Variants in MYO10 observed in about 807,000 individuals in gnomAD.
MYO10 encodes the protein unconventional myosin-X.
A neutral mutation model predicts 257.3 loss-of-function variants in MYO10; 133 were observed. The observed-to-expected ratio is 0.52, with a 90% CI of 0.45 to 0.60. MYO10 has a LOEUF of 0.60. Among genes scored for constraint, MYO10 ranks in the 20% least tolerant of loss-of-function variants. The pLI, the probability that MYO10 is intolerant of heterozygous loss-of-function variation, is 0.00. For synonymous variants in MYO10, 1,104 were observed against 1,028.6 expected (o/e 1.07, Z -1.40); for missense variants, 2,399 against 2,635.7 (o/e 0.91, Z 1.97).
intron 21 of MYO10, among the ~76,000 whole-genome samples, chr5:16,709,065 GT>G (rs1200307300): frequency 1.3e-5 from 2 of 152,192 alleles, no homozygotes; most frequent in Admixed American, 6.5e-5. Context: ...GCTCTACTGG[GT>G]GATCGTAGAG....
intron 1 of MYO10, 33 bp downstream of exon 1, chr5:16,935,755 C>A: frequency 6.2e-7 from 1 of 1,613,340 alleles, no homozygotes; most frequent in Non-Finnish European, 8.5e-7. Context: ...TCCCTGGGCT[C>A]CGGAGGCCAG....
At chr5:16,711,328 C>T in intron 19 of MYO10, 83 bp from the exon 20 acceptor site, 2 of 1,408,574 alleles carry the variant, frequency 1.4e-6, no homozygotes, top group Non-Finnish European at 9.8e-7. Flanking sequence ...CCACCTCCAT[C>T]ATTGGTTTAC....
chr5:16,667,635 GC>G (rs1736235943), intron 40 of MYO10, among the ~76,000 whole-genome samples: 1 of 151,882 alleles, frequency 6.6e-6, no homozygotes, highest in Non-Finnish European at 1.5e-5. Context: ...AACCTACAAT[GC>G]CACATCCTCC....
rs1403920045 is a variant in MYO10 at position 16,671,522 on chromosome 5, A to C, written c.5330T>G (p.Val1777Gly). 6.2e-7 allele frequency: 1 copy of C among 1,613,910 alleles called. No homozygotes were observed. Among genetic ancestry groups the C allele is most frequent in the Admixed American group, 1.7e-5 (1 of 60,018 alleles). Residue 1777 changes from valine to glycine, a missense_variant, in exon 38 of 41, where the codon GTT (valine) becomes GGT (glycine). This residue lies in a region of MYO10 where 1,820 missense variants were observed against 1,939.4 expected (regional missense o/e 0.94). Coordinates refer to ENST00000513610, the MANE Select transcript of MYO10 (RefSeq NM_012334.3). ...GTAGAATTTCCATGGCAGGTCCCCAACCTCGGATGTGGCAGCCAGCCTACA... is the reference window on the plus strand; with the variant it reads ...GTAGAATTTCCATGGCAGGTCCCCACCCTCGGATGTGGCAGCCAGCCTACA... ...KFEKLAATSE[V>G]GDLPWKFYFK...
chr5:16,820,558 A>G (rs1742768536), intron 2 of MYO10, among the ~76,000 whole-genome samples: 1 of 152,140 alleles, frequency 6.6e-6, no homozygotes, highest in Non-Finnish European at 1.5e-5. Flanking sequence ...TCTTCTAAGC[A>G]AGAAGACAGG....
At chr5:16,919,093 A>G (rs2126798958) in intron 1 of MYO10, among the ~76,000 whole-genome samples, 1 of 152,178 alleles carries the variant, frequency 6.6e-6, no homozygotes, top group South Asian at 2.1e-4. Flanking sequence ...GCCTACCAGA[A>G]CGGCCAGGAG....
At position 16,925,363 on chromosome 5, in the gene MYO10, T is replaced by C. The variant is rs1404814172; in HGVS notation, c.21+10425A>G. On this transcript the variant is annotated intron_variant, in intron 1 of 40. Transcript: ENST00000513610. ...AAGGAAAAGATTCACATAGACCTAA[T>C]CCCCAAACATTTCACATAGACCATT... Among the ~76,000 whole-genome samples the C allele has an allele frequency of 3.3e-5, 5 of 152,294 alleles. No individual in the cohort carries two copies. In the East Asian group the frequency reaches 9.6e-4, roughly 29 times the overall value.
At chr5:16,782,682 C>T (rs1741457969) in intron 5 of MYO10, among the ~76,000 whole-genome samples, 1 of 152,176 alleles carries the variant, frequency 6.6e-6, no homozygotes, top group South Asian at 2.1e-4. Flanking sequence ...CTGGACAAAT[C>T]TCTAAATAAT....
intron 30 of MYO10, among the ~76,000 whole-genome samples, chr5:16,682,734 C>A (rs1737063285): frequency 6.6e-6 from 1 of 151,954 alleles, no homozygotes; most frequent in Non-Finnish European, 1.5e-5. Context: ...AAAAGAGTAA[C>A]TGGACTGCAG....
intron 3 of MYO10, among the ~76,000 whole-genome samples, chr5:16,801,266 GGT>G (rs908976469): frequency 6.6e-6 from 1 of 152,098 alleles, no homozygotes; most frequent in African/African-American, 2.4e-5. Flanking sequence ...GCCGTGCAGT[GGT>G]GCAATCTCAG....
intron 19 of MYO10, among the ~76,000 whole-genome samples, chr5:16,716,794 C>T (rs1738894488): frequency 6.6e-6 from 1 of 151,920 alleles, no homozygotes; most frequent in African/African-American, 2.4e-5. Context: ...GATAACGAGA[C>T]TGGAAATTAG....
chr5:16,883,187 T>A (rs963917916), intron 1 of MYO10, among the ~76,000 whole-genome samples: 1 of 152,098 alleles, frequency 6.6e-6, no homozygotes, highest in Admixed American at 6.5e-5. Context: ...AGTGCTGGGA[T>A]TACAGGTGTG....
chr5:16,813,623 G>A (rs1015936095), intron 3 of MYO10, among the ~76,000 whole-genome samples: 13 of 151,184 alleles, frequency 8.6e-5, no homozygotes, highest in South Asian at 4.2e-4. Context: ...GGCTCCTCCC[G>A]CAAAGACATC....
intron 1 of MYO10, among the ~76,000 whole-genome samples, chr5:16,930,683 G>C: frequency 6.6e-6 from 1 of 152,168 alleles, no homozygotes; most frequent in Non-Finnish European, 1.5e-5. Context: ...GGCTCTGTAA[G>C]TCCTCTCTCA....
intron 1 of MYO10, among the ~76,000 whole-genome samples, chr5:16,901,625 A>G (rs924785403): frequency 1.3e-5 from 2 of 152,152 alleles, no homozygotes; most frequent in South Asian, 4.1e-4. Flanking sequence ...GTTCCCATTT[A>G]TAGAAACCAA....
chr5:16,680,946 T>C (rs533412933), intron 32 of MYO10, among the ~76,000 whole-genome samples: 37 of 152,186 alleles, frequency 2.4e-4, no homozygotes, highest in African/African-American at 8.7e-4. Context: ...TGAACCAAGA[T>C]TGCACCATTG....
chr5:16,865,604 A>G (rs1744221691), intron 2 of MYO10, among the ~76,000 whole-genome samples: 1 of 152,134 alleles, frequency 6.6e-6, no homozygotes, highest in African/African-American at 2.4e-5. Context: ...TGAGGTCAGG[A>G]GTTCAAGACC....
chr5:16,813,791 G>A (rs2126700105), intron 3 of MYO10, among the ~76,000 whole-genome samples: 1 of 152,258 alleles, frequency 6.6e-6, no homozygotes, highest in Admixed American at 6.5e-5. Context: ...TTTCTTGGCT[G>A]CAGTCAGAGA....
chr5:16,930,293 A>C (rs1746258649), intron 1 of MYO10, among the ~76,000 whole-genome samples: 1 of 152,218 alleles, frequency 6.6e-6, no homozygotes, highest in Admixed American at 6.5e-5. Context: ...GCCTGCCTGC[A>C]CAAAGGATGG....
Sources: gnomAD v4.1 joint callset for allele counts (sites outside exome capture counted in the v4.1 genomes callset) on GRCh38, gnomAD v4.1.1 for gene constraint, gnomAD v4.1.1 regional missense constraint, MANE v1.5 for transcripts, NCBI Gene and HGNC (gene_info 2026-07-23, HGNC 2026-07-21) for gene names.